SHISA9: variants seen among roughly 807,000 people sequenced by gnomAD.
SHISA9 encodes protein shisa-9.
Under a neutral mutation model 38.0 loss-of-function variants are expected in SHISA9, and 13 were observed. The ratio of observed to expected loss-of-function variants is 0.34; its 90% confidence interval spans 0.22 to 0.54. SHISA9 has a LOEUF of 0.54. SHISA9 is among the 20% of genes least tolerant of loss of function. The pLI, the probability that SHISA9 is intolerant of heterozygous loss-of-function variation, is 0.91. For synonymous variants in SHISA9, 275 were observed against 242.0 expected, an observed-to-expected ratio of 1.14 and a Z score of -1.27; for missense variants, 538 against 575.8, an observed-to-expected ratio of 0.93 and a Z score of 0.67.
At chr16:12,918,882 G>T (rs2071292299) in intron 2 of SHISA9, among the ~76,000 whole-genome samples, 1 of 152,084 alleles carries the variant, frequency 6.6e-6, no homozygotes, top group Admixed American at 6.6e-5. Context: ...TCCTAGCATT[G>T]TTGGGAATAT....
chr16:13,362,113 C>T, the SHISA9 span, among the ~76,000 whole-genome samples: 3 of 150,950 alleles, frequency 2.0e-5, no homozygotes, highest in Non-Finnish European at 4.4e-5. Flanking sequence ...CCTATAATCC[C>T]AGCACTTTGG....
intron 2 of SHISA9, among the ~76,000 whole-genome samples, chr16:12,974,517 G>C (rs898067409): frequency 9.1e-6 from 1 of 109,714 alleles, no homozygotes; most frequent in African/African-American, 3.6e-5. Context: ...CCGGAGTTTC[G>C]CTCTGTCGCC....
intron 1 of SHISA9, among the ~76,000 whole-genome samples, chr16:12,906,639 GTTTTTA>G (rs1225376200): frequency 2.6e-5 from 4 of 152,134 alleles, no homozygotes; most frequent in African/African-American, 9.7e-5. Context: ...CTACTTAGGT[GTTTTTA>G]TTTTTAAGTT....
At chr16:13,217,754 G>A (rs1188363889) in intron 4 of SHISA9, among the ~76,000 whole-genome samples, 4 of 152,194 alleles carry the variant, frequency 2.6e-5, no homozygotes, top group Admixed American at 1.3e-4. Flanking sequence ...ACTAGGCCGG[G>A]CGTGGTGGCT....
At chr16:13,150,419 C>A (rs560080676) in intron 2 of SHISA9, among the ~76,000 whole-genome samples, 40 of 152,266 alleles carry the variant, frequency 2.6e-4, no homozygotes, top group African/African-American at 9.1e-4. Flanking sequence ...TGTCTCCCAA[C>A]CCCCTGCCAT....
At chr16:13,124,000 C>T (rs779854843) in intron 2 of SHISA9, among the ~76,000 whole-genome samples, 25 of 152,186 alleles carry the variant, frequency 1.6e-4, no homozygotes, top group Non-Finnish European at 2.9e-4. Flanking sequence ...TTCCATGCAC[C>T]GCATCGTATC....
At chr16:13,071,377 A>T (rs143585055) in intron 2 of SHISA9, among the ~76,000 whole-genome samples, 1 of 152,116 alleles carries the variant, frequency 6.6e-6, no homozygotes, top group African/African-American at 2.4e-5. Context: ...GGATTATTTG[A>T]TGGAATCCTT....
intron 2 of SHISA9, among the ~76,000 whole-genome samples, chr16:13,067,976 TA>T (rs1468757331): frequency 2.0e-5 from 3 of 152,246 alleles, no homozygotes; most frequent in Non-Finnish European, 4.4e-5. Flanking sequence ...GTCACCTTTT[TA>T]ATTGTCTGCC....
At chr16:13,058,943 G>T (rs1210515001) in intron 2 of SHISA9, among the ~76,000 whole-genome samples, 1 of 151,882 alleles carries the variant, frequency 6.6e-6, no homozygotes, top group African/African-American at 2.4e-5. Flanking sequence ...GGGTTTGGGG[G>T]GTGGACATTT....
At chr16:13,464,449 G>C in the SHISA9 span, among the ~76,000 whole-genome samples, 1 of 152,132 alleles carries the variant, frequency 6.6e-6, no homozygotes, top group Admixed American at 6.5e-5. Flanking sequence ...CTCCAACTCT[G>C]GTTCTCCCTA....
the SHISA9 span, among the ~76,000 whole-genome samples, chr16:13,366,278 T>G: frequency 6.6e-6 from 1 of 152,282 alleles, no homozygotes; most frequent in African/African-American, 2.4e-5. Flanking sequence ...CTACTCATTT[T>G]CTTGTAGTGC....
At chr16:13,535,529 G>A in the SHISA9 span, among the ~76,000 whole-genome samples, 5 of 152,254 alleles carry the variant, frequency 3.3e-5, no homozygotes, top group South Asian at 2.1e-4. Context: ...ACACTCGTTC[G>A]TTTACTTATT....
At chr16:12,948,948 A>G (rs532746076) in intron 2 of SHISA9, among the ~76,000 whole-genome samples, 2 of 152,340 alleles carry the variant, frequency 1.3e-5, no homozygotes, top group African/African-American at 2.4e-5. Context: ...TATAATTTCA[A>G]ATAACCTCAT....
At chr16:13,459,711 G>C in the SHISA9 span, among the ~76,000 whole-genome samples, 3 of 152,094 alleles carry the variant, frequency 2.0e-5, no homozygotes, top group Non-Finnish European at 2.9e-5. Flanking sequence ...GGCTGTAATT[G>C]ACCCTGTATA....
chr16:13,211,118 G>A (rs4781433), intron 3 of SHISA9, among the ~76,000 whole-genome samples: 40,695 of 151,856 alleles, frequency 0.27, 6,238 homozygotes, highest in African/African-American at 0.42. Flanking sequence ...CCAACGTGGT[G>A]AAACCCCATC....
chr16:13,258,161 A>G, the SHISA9 span, among the ~76,000 whole-genome samples: 11 of 152,174 alleles, frequency 7.2e-5, no homozygotes, highest in Non-Finnish European at 1.5e-4. Context: ...CTCCATTTGG[A>G]CACAGTAAAG....
At chr16:13,252,514 G>A in the SHISA9 span, among the ~76,000 whole-genome samples, 5 of 152,156 alleles carry the variant, frequency 3.3e-5, no homozygotes, top group African/African-American at 1.2e-4. Context: ...CCTTCTTCAT[G>A]CTGCAGTCTT....
In SHISA9 at chr16:13,060,181, G is replaced by GT. The variant is rs2073357561; in HGVS notation, c.692-143213_692-143212insT. ...CCGGTTTCCTCTGTTCTCTCAATGC[G>GT]CCCCGATGTGCCACATTATTGAAGC... On this transcript the variant is annotated intron_variant, in intron 2 of 4. Coordinates refer to ENST00000558583, the MANE Select transcript of SHISA9 (RefSeq NM_001145204.3). Among the ~76,000 whole-genome samples the GT allele has an allele frequency of 3.3e-5, 5 of 152,160 alleles. No individual in the cohort carries two copies. In the South Asian group the frequency reaches 8.3e-4, roughly 25 times the overall value.
At chr16:13,087,876 T>C (rs1307110035) in intron 2 of SHISA9, among the ~76,000 whole-genome samples, 1 of 152,238 alleles carries the variant, frequency 6.6e-6, no homozygotes, top group Admixed American at 6.5e-5. Context: ...TTTTGGTGTT[T>C]TAGTTATGAA....
Sources: allele counts gnomAD v4.1 joint callset (sites outside exome capture counted in the v4.1 genomes callset), GRCh38; gene constraint gnomAD v4.1.1; transcripts MANE v1.5; gene names NCBI Gene and HGNC (gene_info 2026-07-23, HGNC 2026-07-21).